The following PDXDC1 variants were observed in gnomAD, a reference collection of about 807,000 sequenced individuals.
PDXDC1 encodes the protein pyridoxal-dependent decarboxylase domain-containing protein 1.
In PDXDC1, 42 loss-of-function variants were observed where a neutral mutation model predicts 100.1. The ratio of observed to expected loss-of-function variants is 0.42; its 90% CI spans 0.33 to 0.54. The LOEUF (loss-of-function observed/expected upper bound fraction) is 0.54. Among genes scored for constraint, PDXDC1 ranks in the 20% least tolerant of loss-of-function variants. PDXDC1 has a pLI of 0.10. For missense variants in PDXDC1, 636 were observed against 979.2 expected, an observed-to-expected ratio of 0.65 and a Z score of 4.68; for synonymous variants, 260 against 371.7, an observed-to-expected ratio of 0.70 and a Z score of 3.46.
At chr16:15,143,431 G>C (rs936334121), downstream of PDXDC1, among the ~76,000 whole-genome samples, 5 of 152,228 alleles carry the variant, frequency 3.3e-5, no homozygotes, top group African/African-American at 7.2e-5. Flanking sequence ...CGAGGTATCT[G>C]ACACGTGTCT....
At chr16:15,137,819 C>A (rs1489763995) in intron 16 of PDXDC1, 7 of 1,572,140 alleles carry the variant, frequency 4.5e-6, no homozygotes, top group Non-Finnish European at 6.0e-6. Context: ...AGGCCCAGCA[C>A]ACGTGGCTGC....
At chr16:15,076,646 T>C in intron 16 of PDXDC1, 4 of 1,602,740 alleles carry the variant, frequency 2.5e-6, no homozygotes, top group South Asian at 1.1e-5. Flanking sequence ...CCGGGATGCA[T>C]TCACCTATAA....
intron 13 of PDXDC1, chr16:15,026,175 G>T: frequency 6.1e-6 from 1 of 163,938 alleles, no homozygotes; most frequent in Non-Finnish European, 1.3e-5. Flanking sequence ...AGCCAAAGTA[G>T]GAGGATTAAT....
At position 15,110,267 on chromosome 16, in the gene PDXDC1, A is replaced by C. The variant is rs898738456; in HGVS notation, c.1400-28612A>C. The C allele has an allele frequency of 4.3e-6, 3 of 702,620 alleles. No homozygotes were observed. The African/African-American group carries it at 5.3e-5, about 12-fold the overall frequency. 43.5% of individuals were successfully genotyped at this position (702,620 alleles called of 1,614,324 possible). ...AAGGGAAAGGAATTATACAGCTTAAACTAATGAAGCAGAAAGGACAAACTC... is the reference window on the plus strand; with the variant it reads ...AAGGGAAAGGAATTATACAGCTTAACCTAATGAAGCAGAAAGGACAAACTC... On this transcript the variant is annotated intron_variant, in intron 16 of 16. Coordinates refer to the PDXDC1 transcript ENST00000535621.
chr16:15,029,727 T>A (rs1356747566), intron 15 of PDXDC1: 1 of 574,290 alleles, frequency 1.7e-6, no homozygotes, highest in Non-Finnish European at 3.1e-6. Context: ...CTTCTTTTTG[T>A]TTACTTGTAT....
chr16:14,994,009 G>GT (rs1971445002), intron 1 of PDXDC1, among the ~76,000 whole-genome samples: 1 of 152,290 alleles, frequency 6.6e-6, no homozygotes, highest in African/African-American at 2.4e-5. Flanking sequence ...TTGTAAATTT[G>GT]TTTGAGTTCA....
downstream of PDXDC1, among the ~76,000 whole-genome samples, chr16:15,039,779 C>T (rs2043725677): frequency 6.6e-6 from 1 of 152,084 alleles, no homozygotes; most frequent in African/African-American, 2.4e-5. Flanking sequence ...GAGCTGATGA[C>T]CTAAAGATGT....
intron 12 of PDXDC1, among the ~76,000 whole-genome samples, chr16:15,019,726 T>C (rs1454681129): frequency 1.3e-5 from 2 of 152,280 alleles, no homozygotes; most frequent in African/African-American, 4.8e-5. Context: ...CCTCATGCCC[T>C]AATGACCTCC....
intron 1 of PDXDC1, among the ~76,000 whole-genome samples, chr16:14,991,265 A>ATATG (rs1555545841): frequency 3.6e-5 from 5 of 137,826 alleles, no homozygotes; most frequent in Non-Finnish European, 7.7e-5. Context: ...ATGTATATAG[A>ATATG]TATGTGTGTG....
downstream of PDXDC1, among the ~76,000 whole-genome samples, chr16:15,144,233 T>C (rs573307705): frequency 3.3e-5 from 5 of 152,328 alleles, no homozygotes; most frequent in East Asian, 3.9e-4. Flanking sequence ...CCACCCCCAC[T>C]GTGGCCCCTT....
At chr16:15,115,226 C>A (rs1295830571) in intron 16 of PDXDC1, among the ~76,000 whole-genome samples, 1 of 129,836 alleles carries the variant, frequency 7.7e-6, no homozygotes, top group Non-Finnish European at 1.6e-5. Context: ...AGCCACCGTG[C>A]CCAGCCATTT....
chr16:15,093,135 G>C (rs1005740047), intron 16 of PDXDC1, among the ~76,000 whole-genome samples: 2 of 152,070 alleles, frequency 1.3e-5, no homozygotes, highest in Admixed American at 1.3e-4. Context: ...CTCCTGAGTA[G>C]CTGGGATTAC....
downstream of PDXDC1, among the ~76,000 whole-genome samples, chr16:15,143,454 G>C (rs1045838374): frequency 3.9e-5 from 6 of 152,192 alleles, no homozygotes; most frequent in Non-Finnish European, 8.8e-5. Context: ...TGCTGCAGCG[G>C]GTCTGCCCGC....
chr16:15,104,965 A>G (rs1443384489), intron 16 of PDXDC1, among the ~76,000 whole-genome samples: 1 of 151,924 alleles, frequency 6.6e-6, no homozygotes, highest in Non-Finnish European at 1.5e-5. Context: ...TCACTGGGAC[A>G]CACTGTTGTC....
At chr16:15,125,983 G>A in intron 16 of PDXDC1, 1 of 600,154 alleles carries the variant, frequency 1.7e-6, no homozygotes, top group South Asian at 2.0e-5. Context: ...CGCGACGTGT[G>A]CCACTGAACA....
chr16:15,013,188 A>G (rs1256791886), intron 8 of PDXDC1, among the ~76,000 whole-genome samples: 3 of 152,110 alleles, frequency 2.0e-5, no homozygotes, highest in Non-Finnish European at 4.4e-5. Flanking sequence ...ATAAATAAGT[A>G]AATAAATAAA....
intron 1 of PDXDC1, among the ~76,000 whole-genome samples, chr16:14,995,147 C>G (rs546897352): frequency 6.6e-6 from 1 of 152,296 alleles, no homozygotes; most frequent in African/African-American, 2.4e-5. Flanking sequence ...TCTCCTGCCT[C>G]ATTGCCCTGG....
chr16:15,029,354 G>T (rs1656373900), intron 15 of PDXDC1: 2 of 508,598 alleles, frequency 3.9e-6, no homozygotes, highest in South Asian at 2.9e-5. Flanking sequence ...AGCGTTTTGG[G>T]CACTGAATAG....
chr16:15,077,711 T>C (rs1484124384), intron 16 of PDXDC1, among the ~76,000 whole-genome samples: 2 of 152,138 alleles, frequency 1.3e-5, no homozygotes, highest in Non-Finnish European at 2.9e-5. Flanking sequence ...CATGGTGGCA[T>C]GTGCCTGTAA....
Sources: gnomAD v4.1 joint callset for allele counts (sites outside exome capture counted in the v4.1 genomes callset) on GRCh38, gnomAD v4.1.1 for gene constraint, MANE v1.5 for transcripts, NCBI Gene and HGNC (gene_info 2026-07-23, HGNC 2026-07-21) for gene names.